Variants in SHC4 observed in about 807,000 individuals in gnomAD.
The protein encoded by SHC4 is SHC-transforming protein 4.
A neutral mutation model predicts 69.4 loss-of-function variants in SHC4; 41 were observed. The ratio of observed to expected loss-of-function variants is 0.59; its 90% confidence interval spans 0.46 to 0.77. The LOEUF (loss-of-function observed/expected upper bound fraction) is 0.77. SHC4 is among the 30% of genes least tolerant of loss of function. SHC4 has a pLI of 0.00. For missense variants in SHC4, 777 were observed against 783.8 expected (o/e 0.99, Z 0.10); for synonymous variants, 318 against 299.3 (o/e 1.06, Z -0.64).
intron 1 of SHC4, among the ~76,000 whole-genome samples, chr15:48,933,826 G>A (rs1234388928): frequency 6.6e-6 from 1 of 152,096 alleles, no homozygotes; most frequent in African/African-American, 2.4e-5. Flanking sequence ...TTTTGACAAA[G>A]GTGACAAAAG....
Position 48,956,980 on chromosome 15 carries a change from T to C in SHC4, c.585+5451A>G, listed in dbSNP as rs1305316054. 9.4e-5 allele frequency among the ~76,000 whole-genome samples: 13 copies of C among 137,628 alleles called. No individual in the cohort carries two copies. The East Asian group carries it at 1.0e-3, about 11-fold the overall frequency. 90.3% of individuals were successfully genotyped at this position (137,628 alleles called of 152,430 possible). A position where few individuals can be genotyped will look rare whatever the true frequency, so the allele number is the denominator to read the frequency against. On this transcript the variant is annotated intron_variant, in intron 1 of 11. Coordinates refer to ENST00000332408, the MANE Select transcript of SHC4 (RefSeq NM_203349.4). ...TTTCTTTCTTTCTTTCTTTCTTTTT[T>C]TTTTTTTTTTTTTTTGAGACAGAGT...
intron 1 of SHC4, among the ~76,000 whole-genome samples, chr15:48,957,275 G>A (rs1046631178): frequency 1.3e-5 from 2 of 152,096 alleles, no homozygotes; most frequent in Admixed American, 1.3e-4. Flanking sequence ...ACTGTGCCTG[G>A]CTGAAACTTC....
rs10523567 is a variant in SHC4 at position 48,880,985 on chromosome 15, A to AGTGTGTGT, written c.840+3255_840+3262dup. Among the ~76,000 whole-genome samples, 61 of 146,080 alleles carry AGTGTGTGT rather than the reference A, an allele frequency of 4.2e-4. No individual in the cohort carries two copies. In the East Asian group the frequency reaches 5.2e-3, roughly 13 times the overall value. ...AGGACTAAATGATGATGTGTGTGAG[A>AGTGTGTGT]GTGTGTGTGTGTGTGTGTGTGTGTG... On this transcript the variant is annotated intron_variant, in intron 4 of 11. Coordinates refer to ENST00000332408, the MANE Select transcript of SHC4 (RefSeq NM_203349.4).
chr15:48,873,436 T>C (rs571772893), intron 4 of SHC4, among the ~76,000 whole-genome samples: 2 of 152,314 alleles, frequency 1.3e-5, no homozygotes, highest in South Asian at 4.1e-4. Flanking sequence ...CAAAGATCAA[T>C]GTCATTCCCA....
At chr15:48,954,406 A>G (rs2141041078) in intron 1 of SHC4, among the ~76,000 whole-genome samples, 1 of 152,330 alleles carries the variant, frequency 6.6e-6, no homozygotes, top group African/African-American at 2.4e-5. Flanking sequence ...CCAGCCTCAG[A>G]CATTCTGGTC....
At position 48,890,735 on chromosome 15, in the gene SHC4, C is replaced by T. The variant is rs1298240974; in HGVS notation, c.720+13G>A. On this transcript the variant is annotated intron_variant, in intron 3 of 11. Transcript: ENST00000332408. ...TAGGGAAACATAAACAAGAAAACCACATCATCATTTACCTTTCGCTTTTTA... is the reference window on the plus strand; with the variant it reads ...TAGGGAAACATAAACAAGAAAACCATATCATCATTTACCTTTCGCTTTTTA... 4 of 1,614,090 alleles carry T rather than the reference C, an allele frequency of 2.5e-6. No homozygotes were observed. The highest frequency in any genetic ancestry group is 1.6e-4 in the Middle Eastern group (1 of 6,062).
chr15:48,920,846 G>T (rs1290976920), intron 2 of SHC4, among the ~76,000 whole-genome samples: 1 of 152,086 alleles, frequency 6.6e-6, no homozygotes, highest in Admixed American at 6.6e-5. Flanking sequence ...CACTTTGGAA[G>T]TCTGAGGTGG....
intron 3 of SHC4, among the ~76,000 whole-genome samples, chr15:48,890,496 C>T (rs970029605): frequency 6.6e-6 from 1 of 152,150 alleles, no homozygotes; most frequent in African/African-American, 2.4e-5. Flanking sequence ...AACTCTGGCA[C>T]CCTACATTTC....
At chr15:48,884,552 C>T (rs764598469) in intron 3 of SHC4, among the ~76,000 whole-genome samples, 185 bp from the exon 4 acceptor site, 3 of 151,992 alleles carry the variant, frequency 2.0e-5, no homozygotes, top group Admixed American at 6.6e-5. Flanking sequence ...TAGGATGCAG[C>T]GAATTCTTTA....
intron 6 of SHC4, among the ~76,000 whole-genome samples, chr15:48,866,657 C>T (rs897278882): frequency 6.6e-6 from 1 of 152,180 alleles, no homozygotes; most frequent in Non-Finnish European, 1.5e-5. Flanking sequence ...CCTATAGATG[C>T]CTTTTACGCT....
rs189372590 is a variant in SHC4 at position 48,886,193 on chromosome 15, G to A, written c.721-1826C>T. ...AATCGCTTGAACCTGGGAGGCGGAG[G>A]TCACAGTGAGCCAAGATTGGGCCAC... On this transcript the variant is annotated intron_variant, in intron 3 of 11. Transcript: ENST00000332408. 9.5e-4 allele frequency among the ~76,000 whole-genome samples: 145 copies of A among 152,164 alleles called. 1 individual carries two copies. Among genetic ancestry groups the A allele is most frequent in the Middle Eastern group, 3.4e-3 (1 of 294 alleles).
intron 4 of SHC4, chr15:48,878,021 A>T (rs1194069377): frequency 1.1e-6 from 1 of 941,288 alleles, no homozygotes; most frequent in African/African-American, 1.6e-5. Context: ...AGCTACTCCA[A>T]CCACAGTGGC....
intron 10 of SHC4, among the ~76,000 whole-genome samples, chr15:48,840,590 A>G (rs564015895): frequency 1.1e-4 from 16 of 152,224 alleles, no homozygotes; most frequent in African/African-American, 3.9e-4. Flanking sequence ...ATTATGGGGG[A>G]AGGTTAAAGG....
chr15:48,928,595 G>C (rs1356533784), intron 1 of SHC4, among the ~76,000 whole-genome samples: 3 of 152,164 alleles, frequency 2.0e-5, no homozygotes, highest in African/African-American at 7.2e-5. Context: ...TATCAATGAG[G>C]AGAGGAATTT....
rs1390135929 is a variant in SHC4, at chr15:48,824,922, C to T, written c.*1049G>A. ...GGAAAATCTTTCCAAGTGCTTCATT[C>T]AATATGTTTTTTTTTCCTTCTGCAT... On this transcript the variant is annotated 3_prime_UTR_variant, in exon 12 of 12. Transcript: ENST00000332408. The T allele has an allele frequency of 1.8e-5, 1 of 56,870 alleles. No homozygotes were observed. The highest frequency in any genetic ancestry group is 3.6e-5 in the Non-Finnish European group (1 of 27,566). 3.5% of individuals were successfully genotyped at this position (56,870 alleles called of 1,614,324 possible).
chr15:48,846,083 C>T (rs1040717909), intron 9 of SHC4, among the ~76,000 whole-genome samples: 11 of 151,968 alleles, frequency 7.2e-5, no homozygotes, highest in African/African-American at 2.2e-4. Flanking sequence ...ACTGCAGCCT[C>T]GAACTCCTAG....
chr15:48,951,729 G>C (rs928031302), intron 1 of SHC4, among the ~76,000 whole-genome samples: 1 of 152,090 alleles, frequency 6.6e-6, no homozygotes, highest in African/African-American at 2.4e-5. Context: ...TTAAAACTCA[G>C]GTAAGATACC....
chr15:48,876,575 T>A (rs1290094850), intron 4 of SHC4: 1 of 697,206 alleles, frequency 1.4e-6, no homozygotes, highest in South Asian at 1.5e-5. Context: ...CAATAGGCTG[T>A]CTGCAGGCTA....
chr15:48,837,458 C>T (rs1422069025), intron 10 of SHC4, among the ~76,000 whole-genome samples: 3 of 151,980 alleles, frequency 2.0e-5, no homozygotes, highest in East Asian at 1.9e-4. Flanking sequence ...TAAATAAAAC[C>T]GCTCTTAACA....
Sources: gnomAD v4.1 joint callset for allele counts (sites outside exome capture counted in the v4.1 genomes callset) on GRCh38, gnomAD v4.1.1 for gene constraint, MANE v1.5 for transcripts, NCBI Gene and HGNC (gene_info 2026-07-23, HGNC 2026-07-21) for gene names.